TGFBR2: variants seen among roughly 807,000 people sequenced by gnomAD.
TGFBR2 encodes TGF-beta receptor type-2.
Under a neutral mutation model 49.0 loss-of-function variants are expected in TGFBR2, and 18 were observed. The ratio of observed to expected loss-of-function variants is 0.37; its 90% confidence interval spans 0.25 to 0.54. TGFBR2 has a LOEUF of 0.54. Ranked by LOEUF, TGFBR2 falls within the 20% of genes least tolerant of loss-of-function variation. The pLI is 0.85. For synonymous variants in TGFBR2, 282 were observed against 275.9 expected, an observed-to-expected ratio of 1.02 and a Z score of -0.22; for missense variants, 525 against 722.6, an observed-to-expected ratio of 0.73 and a Z score of 3.13.
At chr3:30,667,600 ATCT>A (rs1194897437) in intron 3 of TGFBR2, among the ~76,000 whole-genome samples, 3 of 152,186 alleles carry the variant, frequency 2.0e-5, no homozygotes, top group African/African-American at 7.2e-5. Context: ...GATTTCTAGA[ATCT>A]TCTTCAGTCA....
At chr3:30,619,574 A>C (rs534449811) in intron 1 of TGFBR2, among the ~76,000 whole-genome samples, 142 of 152,152 alleles carry the variant, frequency 9.3e-4, no homozygotes, top group African/African-American at 3.3e-3. Flanking sequence ...CCCATCATCT[A>C]TTCCACCCTT....
chr3:30,621,695 C>A (rs984195322), intron 1 of TGFBR2, among the ~76,000 whole-genome samples: 21 of 152,136 alleles, frequency 1.4e-4, no homozygotes, highest in Non-Finnish European at 2.9e-4. Flanking sequence ...CTGAAAAGCA[C>A]TTATCTTTCA....
At chr3:30,653,249 A>ATTTTT (rs1559460069) in intron 3 of TGFBR2, among the ~76,000 whole-genome samples, 1 of 57,666 alleles carries the variant, frequency 1.7e-5, no homozygotes. Context: ...AGGAATGAAA[A>ATTTTT]CTTTTTTTTT....
At position 30,659,689 on chromosome 3, in the gene TGFBR2, C is replaced by G. The variant is rs1001648809; in HGVS notation, c.454+9229C>G. Among the ~76,000 whole-genome samples the G allele has an allele frequency of 7.3e-5, 11 of 151,304 alleles. No individual in the cohort carries two copies. In the South Asian group the frequency reaches 1.0e-3, roughly 14 times the overall value. On this transcript the variant is annotated intron_variant, in intron 3 of 6. Transcript: ENST00000295754. ...CACAGGCTGTCTCAAATTCCATCCA[C>G]TGGATATGAGTGGCCAAGAAAGCAG...
intron 5 of TGFBR2, among the ~76,000 whole-genome samples, chr3:30,681,739 C>T (rs571198836): frequency 6.6e-6 from 1 of 152,294 alleles, no homozygotes; most frequent in South Asian, 2.1e-4. Context: ...GCTTCAGAAA[C>T]AGTCTGAGGG....
chr3:30,645,443 C>T (rs1675978814), intron 2 of TGFBR2, among the ~76,000 whole-genome samples: 1 of 151,198 alleles, frequency 6.6e-6, no homozygotes, highest in East Asian at 2.0e-4. Context: ...TTCATATAAC[C>T]ATTGGGATAG....
Position 30,651,989 on chromosome 3 carries a change from T to C in TGFBR2, c.454+1529T>C, listed in dbSNP as rs118065079. Among the ~76,000 whole-genome samples the C allele has an allele frequency of 4.5e-4, 69 of 152,338 alleles. No homozygotes were observed. The East Asian group carries it at 0.013, about 28-fold the overall frequency. On this transcript the variant is annotated intron_variant, in intron 3 of 6. Coordinates refer to ENST00000295754, the MANE Select transcript of TGFBR2 (RefSeq NM_003242.6). ...TGCATTCCACCTGCGAGAAGCTATGTGTCCTCGTGTTTCGTGTTTGGTGCT... is the reference window on the plus strand; with the variant it reads ...TGCATTCCACCTGCGAGAAGCTATGCGTCCTCGTGTTTCGTGTTTGGTGCT...
At position 30,606,838 on chromosome 3, in the gene TGFBR2, T is replaced by A; in HGVS notation, c.-46T>A. ...CAGCCAGGGGTCCGGGAAGGCGCCG[T>A]CCGCTGCGCTGGGGGCTCGGTCTAT... is the stretch of plus-strand genomic sequence containing the variant. On this transcript the variant is annotated 5_prime_UTR_variant, in exon 1 of 7. Coordinates refer to ENST00000295754, the MANE Select transcript of TGFBR2 (RefSeq NM_003242.6). The A allele has an allele frequency of 7.6e-7, 1 of 1,307,832 alleles. No homozygotes were observed. The highest frequency in any genetic ancestry group is 1.0e-6 in the Non-Finnish European group (1 of 1,001,756). 81.0% of individuals were successfully genotyped at this position (1,307,832 alleles called of 1,614,324 possible). A position where few individuals can be genotyped will look rare whatever the true frequency, so the allele number is the denominator to read the frequency against.
intron 4 of TGFBR2, 32 bp from the exon 5 acceptor site, chr3:30,674,073 A>G (rs370267585): frequency 7.4e-6 from 12 of 1,614,046 alleles, no homozygotes; most frequent in Non-Finnish European, 1.0e-5. Flanking sequence ...CTGGAATTAA[A>G]TGATGGGCCT....
intron 3 of TGFBR2, among the ~76,000 whole-genome samples, chr3:30,657,139 A>G (rs769704135): frequency 6.6e-6 from 1 of 152,238 alleles, no homozygotes; most frequent in African/African-American, 2.4e-5. Flanking sequence ...TAGGAGAATC[A>G]TAGAAGAACC....
intron 4 of TGFBR2, among the ~76,000 whole-genome samples, chr3:30,673,760 A>G (rs1362466368): frequency 6.6e-6 from 1 of 152,198 alleles, no homozygotes; most frequent in Non-Finnish European, 1.5e-5. Context: ...AAAAATAAAC[A>G]TTTAAAATAT....
Position 30,648,447 on chromosome 3 carries a change from CACACACACACACA to C in TGFBR2, c.264-1822_264-1810del, listed in dbSNP as rs781390522. ...ACACACACACACACACACACACACACACACACACACACACAAAACTGTGGGGGCAGGGAGGAAG... is the reference window on the plus strand; with the variant it reads ...ACACACACACACACACACACACACACCAAAACTGTGGGGGCAGGGAGGAAG... On this transcript the variant is annotated intron_variant, in intron 2 of 6. Transcript: ENST00000295754. 6.3e-4 allele frequency among the ~76,000 whole-genome samples: 95 copies of C among 150,342 alleles called. 1 individual carries two copies. The highest frequency in any genetic ancestry group is 3.4e-3 in the Middle Eastern group (1 of 292).
At chr3:30,673,438 T>C (rs946625113) in intron 4 of TGFBR2, among the ~76,000 whole-genome samples, 5 of 152,242 alleles carry the variant, frequency 3.3e-5, no homozygotes, top group African/African-American at 1.2e-4. Flanking sequence ...CTTTTTCATA[T>C]GGATCCGACG....
chr3:30,623,225 G>A, intron 1 of TGFBR2: 1 of 1,606,166 alleles, frequency 6.2e-7, no homozygotes, highest in Non-Finnish European at 8.5e-7. Context: ...CCAGAAAGAT[G>A]AAATCATCTG....
At chr3:30,683,973 T>C (rs1373949970) in intron 5 of TGFBR2, among the ~76,000 whole-genome samples, 1 of 152,188 alleles carries the variant, frequency 6.6e-6, no homozygotes, top group Non-Finnish European at 1.5e-5. Flanking sequence ...CTGGCCACGA[T>C]CTTCCCTTCT....
At chr3:30,654,058 C>A (rs912139390) in intron 3 of TGFBR2, among the ~76,000 whole-genome samples, 1 of 152,140 alleles carries the variant, frequency 6.6e-6, no homozygotes, top group African/African-American at 2.4e-5. Context: ...TTAATTCTTT[C>A]CTTTTTTCCT....
chr3:30,646,438 A>G (rs776628525), intron 2 of TGFBR2, among the ~76,000 whole-genome samples: 45 of 152,202 alleles, frequency 3.0e-4, no homozygotes, highest in African/African-American at 1.1e-3. Context: ...GCAATTAGAC[A>G]TGGTTAGTAC....
intron 5 of TGFBR2, among the ~76,000 whole-genome samples, chr3:30,687,857 A>T (rs769940986): frequency 6.6e-6 from 1 of 152,160 alleles, no homozygotes; most frequent in Non-Finnish European, 1.5e-5. Context: ...TGTCTGGCTT[A>T]TTTCACTTAG....
At chr3:30,636,520 C>A (rs1698535792) in intron 1 of TGFBR2, among the ~76,000 whole-genome samples, 1 of 152,074 alleles carries the variant, frequency 6.6e-6, no homozygotes, top group African/African-American at 2.4e-5. Flanking sequence ...ATCTGCCTTG[C>A]ATTTGCTCAT....
Sources: allele counts gnomAD v4.1 joint callset (sites outside exome capture counted in the v4.1 genomes callset), GRCh38; gene constraint gnomAD v4.1.1; transcripts MANE v1.5; gene names NCBI Gene and HGNC (gene_info 2026-07-23, HGNC 2026-07-21).